EIF3A: variants seen among roughly 807,000 people sequenced by gnomAD.
The protein encoded by EIF3A is eukaryotic translation initiation factor 3 subunit A, also known as EIF3, p180 subunit.
In EIF3A, 21 loss-of-function variants were observed where a neutral mutation model predicts 186.6. That is an observed-to-expected ratio of 0.11 (90% CI 0.08 to 0.16). The LOEUF is 0.16. EIF3A is among the 10% of genes least tolerant of loss of function. The pLI is 1.00. For synonymous variants in EIF3A, 563 were observed against 584.3 expected (o/e 0.96, Z 0.52); for missense variants, 1,306 against 1,796.3 (o/e 0.73, Z 4.93).
At chr10:119,048,335 T>C (rs752423445) in intron 17 of EIF3A, among the ~76,000 whole-genome samples, 1 of 151,922 alleles carries the variant, frequency 6.6e-6, no homozygotes, top group Non-Finnish European at 1.5e-5. Context: ...ATTAAGGCAG[T>C]AATGTAGGAA....
chr10:119,050,369 CA>C, intron 16 of EIF3A, 151 bp downstream of exon 16: 1 of 735,798 alleles, frequency 1.4e-6, no homozygotes, highest in Non-Finnish European at 2.3e-6. Context: ...AACAACTTCA[CA>C]TACAGCAAAC....
Position 119,073,905 on chromosome 10 carries a change from G to C in EIF3A, c.82C>G (p.Leu28Val). 6.3e-7 allele frequency: 1 copy of C among 1,598,080 alleles called. No homozygotes were observed. Among genetic ancestry groups the C allele is most frequent in the Non-Finnish European group, 8.5e-7 (1 of 1,174,978 alleles). ...FLEVGKKQPA[L>V]DVLYDVMKSK... ...TTCATAACATCATAAAGAACATCCA[G>C]AGCAGGCTGCTTTTTGCCAACCTCA... The change falls in exon 2 of 22, where the codon CTG (leucine) becomes GTG (valine). Residue 28 changes from leucine to valine, a missense_variant. By Grantham distance (32) the Leu-to-Val change is conservative. Coordinates refer to ENST00000369144, the MANE Select transcript of EIF3A (RefSeq NM_003750.4).
chr10:119,049,744 A>T (rs1445662105), intron 17 of EIF3A, 57 bp downstream of exon 17: 2 of 1,500,404 alleles, frequency 1.3e-6, no homozygotes, highest in Non-Finnish European at 1.8e-6. Context: ...ACTGTGCCTC[A>T]ACCAAAAAAA....
chr10:119,039,502 C>G (rs1182091509), intron 19 of EIF3A, among the ~76,000 whole-genome samples: 1 of 152,026 alleles, frequency 6.6e-6, no homozygotes, highest in Non-Finnish European at 1.5e-5. Context: ...AAAACCACAT[C>G]TCTACAAAAA....
chr10:119,057,115 G>C, intron 12 of EIF3A, 75 bp from the exon 13 acceptor site: 1 of 810,920 alleles, frequency 1.2e-6, no homozygotes, highest in Non-Finnish European at 2.0e-6. Flanking sequence ...CTGCTTTCTA[G>C]AATAAAATCC....
At position 119,035,776 on chromosome 10, in the gene EIF3A, T is replaced by C; in HGVS notation, c.*263A>G. 2.7e-6 allele frequency: 1 copy of C among 374,494 alleles called. No individual in the cohort carries two copies. Among genetic ancestry groups the C allele is most frequent in the Non-Finnish European group, 4.8e-6 (1 of 209,126 alleles). 23.2% of individuals were successfully genotyped at this position (374,494 alleles called of 1,614,324 possible). ...AGGGTCACATTTTAAATTTATTTTT[T>C]AGTTTTTCTTTTTTGTCAACAAATG... On this transcript the variant is annotated 3_prime_UTR_variant, in exon 22 of 22. Coordinates refer to ENST00000369144, the MANE Select transcript of EIF3A (RefSeq NM_003750.4).
chr10:119,038,182 A>T, intron 20 of EIF3A, 56 bp downstream of exon 20: 1 of 1,468,232 alleles, frequency 6.8e-7, no homozygotes, highest in Admixed American at 1.9e-5. Context: ...TGCTGGGATT[A>T]CAGGCATGAG....
At position 119,058,031 on chromosome 10, in the gene EIF3A, T is replaced by C; in HGVS notation, c.1902A>G (p.Lys634=). 6.2e-7 allele frequency: 1 copy of C among 1,614,220 alleles called. No homozygotes were observed. The highest frequency in any genetic ancestry group is 8.5e-7 in the Non-Finnish European group (1 of 1,180,038). ...ILQEHEQIKK[K]TVRERLEQIK... is the part of the protein sequence containing the mutation. ...TCTGCTCCAAACGCTCTCGGACAGT[T>C]TTCTTTTTGATTTGTTCATGTTCCT... Residue 634 remains lysine (K), a synonymous_variant, in exon 12 of 22, where the codon AAA becomes AAG. Coordinates refer to ENST00000369144, the MANE Select transcript of EIF3A (RefSeq NM_003750.4).
Position 119,073,524 on chromosome 10 carries a change from C to T in EIF3A, c.294G>A (p.Glu98=), listed in dbSNP as rs754373343. The T allele has an allele frequency of 1.2e-6, 2 of 1,611,848 alleles. No individual in the cohort carries two copies. The highest frequency in any genetic ancestry group is 2.2e-5 in the South Asian group (2 of 91,050). ...DVVRAYLKMA[E]EKTEAAKEES... is the part of the protein sequence containing the mutation. ...CTTCTTTAGCAGCTTCAGTTTTTTC[C>T]TCTGCCATTTTCAAATATGCCCTAA... is the stretch of plus-strand genomic sequence containing the variant. The change falls in exon 3 of 22, where the codon GAG becomes GAA. Residue 98 remains glutamate (E), a synonymous_variant. Transcript: ENST00000369144.
chr10:119,054,390 T>A (rs1438928896), intron 14 of EIF3A, among the ~76,000 whole-genome samples: 1 of 152,068 alleles, frequency 6.6e-6, no homozygotes, highest in Non-Finnish European at 1.5e-5. Context: ...TCACTGTTTA[T>A]GTGTTCACTG....
At chr10:119,067,173 G>A (rs761208712) in intron 6 of EIF3A, among the ~76,000 whole-genome samples, 8 of 151,702 alleles carry the variant, frequency 5.3e-5, no homozygotes, top group South Asian at 4.2e-4. Flanking sequence ...CCAAGACTGC[G>A]CCATTGCACT....
At chr10:119,046,993 C>A (rs561747948) in intron 17 of EIF3A, among the ~76,000 whole-genome samples, 3 of 152,054 alleles carry the variant, frequency 2.0e-5, no homozygotes, top group Non-Finnish European at 4.4e-5. Context: ...AAAGGCCAGG[C>A]ATAGTGGCTC....
Position 119,060,864 on chromosome 10 carries a change from G to A in EIF3A, c.1228-20C>T, listed in dbSNP as rs1486366040. On this transcript the variant is annotated intron_variant, in intron 8 of 21. Coordinates refer to ENST00000369144, the MANE Select transcript of EIF3A (RefSeq NM_003750.4). ...TAGAACCTATAAAATCCATTAAATT[G>A]AAAGAGAATCACACTTTCTACATAA... The A allele has an allele frequency of 2.6e-6, 4 of 1,517,398 alleles. No individual in the cohort carries two copies. Among genetic ancestry groups the A allele is most frequent in the South Asian group, 2.4e-5 (2 of 83,114 alleles). 94.0% of individuals were successfully genotyped at this position (1,517,398 alleles called of 1,614,324 possible).
At chr10:119,069,699 G>A (rs551098450) in intron 5 of EIF3A, 45 bp from the exon 6 acceptor site, 19 of 935,948 alleles carry the variant, frequency 2.0e-5, no homozygotes, top group Admixed American at 7.9e-5. Flanking sequence ...TCTATAACAC[G>A]AAAAAAATCT....
At position 119,036,291 on chromosome 10, in the gene EIF3A, A is replaced by G. The variant is rs1355440969; in HGVS notation, c.3920-23T>C. On this transcript the variant is annotated intron_variant, in intron 21 of 21. Transcript: ENST00000369144. ...TTACTAAAAAGTTTAATTAAAAAAA[A>G]AAAATTAAGTTAGTACTATATTCTA... 6.5e-6 allele frequency: 10 copies of G among 1,550,276 alleles called. No homozygotes were observed. The Admixed American group carries it at 1.8e-4, about 28-fold the overall frequency.
intron 7 of EIF3A, among the ~76,000 whole-genome samples, chr10:119,063,110 A>G (rs1018185074): frequency 3.9e-5 from 6 of 152,128 alleles, no homozygotes; most frequent in Non-Finnish European, 7.3e-5. Context: ...ACGTTTCTTC[A>G]GCTTTAAAAA....
chr10:119,050,459 A>C (rs1848341621), intron 16 of EIF3A, 62 bp downstream of exon 16: 3 of 1,509,664 alleles, frequency 2.0e-6, no homozygotes, highest in South Asian at 1.2e-5. Context: ...AAGATCACTA[A>C]AAACTAGATC....
intron 20 of EIF3A, 34 bp downstream of exon 20, chr10:119,038,204 G>A (rs374173491): frequency 3.7e-4 from 577 of 1,579,622 alleles, no homozygotes; most frequent in Non-Finnish European, 4.7e-4. Context: ...CACTGCGCCC[G>A]GCCTCTACAA....
At chr10:119,056,875 G>T in intron 13 of EIF3A, 22 bp from the exon 14 acceptor site, 1 of 1,593,106 alleles carries the variant, frequency 6.3e-7, no homozygotes, top group Non-Finnish European at 8.6e-7. Context: ...GAAAACACAC[G>T]TAGTTTTAAA....
Sources: allele counts gnomAD v4.1 joint callset (sites outside exome capture counted in the v4.1 genomes callset), GRCh38; gene constraint gnomAD v4.1.1; transcripts MANE v1.5; gene names NCBI Gene and HGNC (gene_info 2026-07-23, HGNC 2026-07-21).